The following TTLL12 variants were observed in gnomAD, a reference collection of about 807,000 sequenced individuals.
The protein encoded by TTLL12 is tubulin tyrosine ligase like 12.
A neutral mutation model predicts 79.6 loss-of-function variants in TTLL12; 77 were observed. That is an observed-to-expected ratio of 0.97 (90% CI 0.81 to 1.17). TTLL12 has a LOEUF of 1.17. Among genes scored for constraint, TTLL12 ranks in the 50% most tolerant of loss-of-function variants. The pLI is 0.00. For synonymous variants in TTLL12, 437 were observed against 376.1 expected (o/e 1.16, Z -1.87); for missense variants, 969 against 895.9 (o/e 1.08, Z -1.04).
chr22:43,175,228 T>G (rs1931874145), intron 6 of TTLL12: 1 of 152,388 alleles, frequency 6.6e-6, no homozygotes, highest in South Asian at 2.1e-4. Flanking sequence ...GGGGCTCCTG[T>G]GAAGGCTGAG....
At chr22:43,175,379 G>A (rs1022348894) in intron 6 of TTLL12, 8 of 152,324 alleles carry the variant, frequency 5.3e-5, no homozygotes, top group African/African-American at 1.9e-4. Context: ...GGCAGCCCGG[G>A]TGCCTGTTGT....
At chr22:43,171,237 G>A (rs547128751) in intron 11 of TTLL12, among the ~76,000 whole-genome samples, 71 of 152,298 alleles carry the variant, frequency 4.7e-4, no homozygotes, top group African/African-American at 1.5e-3. Flanking sequence ...ACCTGTCCAC[G>A]TACACTGGCT....
chr22:43,178,440 G>A (rs955941049), intron 5 of TTLL12, among the ~76,000 whole-genome samples: 8 of 151,790 alleles, frequency 5.3e-5, no homozygotes, highest in Non-Finnish European at 1.0e-4. Context: ...TCCTGCCTCA[G>A]CCTCCCGAGT....
chr22:43,166,875 G>T lies in TTLL12; in HGVS notation c.*1133C>A, dbSNP rs1601764008. ...TTCTTAATTTCAAAGAGGAGACACC[G>T]CTACACCTAGCCCTGCCCTCCCATG... On this transcript the variant is annotated 3_prime_UTR_variant, in exon 14 of 14. Transcript: ENST00000216129. 5.0e-6 allele frequency: 1 copy of T among 200,686 alleles called. No homozygotes were observed. Among genetic ancestry groups the T allele is most frequent in the Non-Finnish European group, 9.3e-6 (1 of 107,434 alleles). 12.4% of individuals were successfully genotyped at this position (200,686 alleles called of 1,614,324 possible). A position where few individuals can be genotyped will look rare whatever the true frequency, so the allele number is the denominator to read the frequency against.
chr22:43,176,078 C>G (rs1931900209), intron 6 of TTLL12, among the ~76,000 whole-genome samples: 1 of 149,904 alleles, frequency 6.7e-6, no homozygotes, highest in Admixed American at 6.6e-5. Flanking sequence ...GAGACAGACT[C>G]TGTCTCAAAA....
chr22:43,183,402 G>A (rs1932107969), intron 1 of TTLL12, among the ~76,000 whole-genome samples: 3 of 152,224 alleles, frequency 2.0e-5, no homozygotes, highest in African/African-American at 4.8e-5. Flanking sequence ...CCAGAGCCTC[G>A]TCCCACAGGA....
At chr22:43,178,376 C>T (rs1931968390) in intron 5 of TTLL12, among the ~76,000 whole-genome samples, 2 of 150,666 alleles carry the variant, frequency 1.3e-5, no homozygotes, top group African/African-American at 4.9e-5. Flanking sequence ...GGCTGGAGTG[C>T]AGTGGCGCGA....
At chr22:43,178,124 C>A (rs1327344916) in intron 5 of TTLL12, among the ~76,000 whole-genome samples, 1 of 152,158 alleles carries the variant, frequency 6.6e-6, no homozygotes, top group Non-Finnish European at 1.5e-5. Flanking sequence ...GTGTACTAAG[C>A]ACCTTCCTGG....
At position 43,169,489 on chromosome 22, in the gene TTLL12, A is replaced by C. The variant is rs1416092502; in HGVS notation, c.1644+11T>G. 1 of 1,586,078 alleles carries C rather than the reference A, an allele frequency of 6.3e-7. No homozygotes were observed. The highest frequency in any genetic ancestry group is 1.2e-5 in the South Asian group (1 of 86,870). Reference sequence around the variant, plus strand: ...CCACCGGCCTGCGATGGTGTGCAGGACAGGAATTACCTGGACGTCCGTCCA... The same window carrying C: ...CCACCGGCCTGCGATGGTGTGCAGGCCAGGAATTACCTGGACGTCCGTCCA... On this transcript the variant is annotated intron_variant, in intron 12 of 13. Transcript: ENST00000216129.
intron 11 of TTLL12, among the ~76,000 whole-genome samples, chr22:43,171,114 T>C (rs1601767355): frequency 6.6e-6 from 1 of 151,894 alleles, no homozygotes. Context: ...GGGGTAGGTG[T>C]TCTGTGCATC....
chr22:43,179,319 C>T (rs13054587), intron 5 of TTLL12, among the ~76,000 whole-genome samples: 13,081 of 152,140 alleles, frequency 0.086, 631 homozygotes, highest in Non-Finnish European at 0.11. Context: ...CTGAGTGGGG[C>T]TCATGGCCAA....
Position 43,174,354 on chromosome 22 carries a change from C to G in TTLL12, c.1084G>C (p.Glu362Gln), listed in dbSNP as rs577280161. Residue 362 changes from glutamate to glutamine, a missense_variant, in exon 8 of 14, where the codon GAG (glutamate) becomes CAG (glutamine). Coordinates refer to ENST00000216129, the MANE Select transcript of TTLL12 (RefSeq NM_015140.4). ...CAGTCCTTGACAGTCAGCAGGTTCT[C>G]GCAGGGGAACTGGTTCAGCAGCACG... ...PGVLLNQFPC[E>Q]NLLTVKDCLA... 6.3e-7 allele frequency: 1 copy of G among 1,592,754 alleles called. No homozygotes were observed. The highest frequency in any genetic ancestry group is 1.3e-5 in the African/African-American group (1 of 74,564).
rs776237076 is a variant in TTLL12, at chr22:43,172,423, G to A, written c.1473C>T (p.Phe491=). 1 of 1,614,168 alleles carries A rather than the reference G, an allele frequency of 6.2e-7. No homozygotes were observed. Among genetic ancestry groups the A allele is most frequent in the South Asian group, 1.1e-5 (1 of 91,088 alleles). Residue 491 remains phenylalanine, a synonymous_variant, in exon 10 of 14, where the codon TTC becomes TTT. Transcript: ENST00000216129. ...CTTACCGGTTGGAGAACCGCAGCCA[G>A]AACACATCATACACGAACAACCGTA... ...RPLRLFVYDV[F]WLRFSNRAFA... is the part of the protein sequence containing the mutation.
Position 43,168,757 on chromosome 22 carries a change from T to C in TTLL12, c.1783+17A>G, listed in dbSNP as rs750427562. ...GCGCCTGCTGGTTTGGATCAGGAGA[T>C]GGGGAGCCCCTCTTACCATCTGGGC... On this transcript the variant is annotated intron_variant, in intron 13 of 13. Coordinates refer to ENST00000216129, the MANE Select transcript of TTLL12 (RefSeq NM_015140.4). The C allele has an allele frequency of 3.9e-6, 6 of 1,550,602 alleles. No individual in the cohort carries two copies. In the South Asian group the frequency reaches 7.1e-5, roughly 18 times the overall value.
At chr22:43,180,103 A>T (rs1932017616) in intron 3 of TTLL12, 103 bp from the exon 4 acceptor site, 2 of 1,370,092 alleles carry the variant, frequency 1.5e-6, no homozygotes, top group Non-Finnish European at 2.0e-6. Context: ...CATTTCTCTG[A>T]TCTTGGAGGC....
At chr22:43,169,395 T>A in intron 12 of TTLL12, 105 bp downstream of exon 12, 1 of 1,010,716 alleles carries the variant, frequency 9.9e-7, no homozygotes, top group East Asian at 2.6e-5. Context: ...GGGACAAAGG[T>A]CCCTCCCAGC....
intron 9 of TTLL12, 66 bp downstream of exon 9, chr22:43,173,649 T>C: frequency 6.7e-7 from 1 of 1,500,916 alleles, no homozygotes; most frequent in Non-Finnish European, 9.1e-7. Context: ...CTCGGTCCCC[T>C]TAGCCCCACC....
In TTLL12 at chr22:43,174,324, C is replaced by CCAGGCAGTCCTT; in HGVS notation, c.1102_1113dup (p.Lys368_Leu371dup). The CCAGGCAGTCCTT allele has an allele frequency of 6.2e-7, 1 of 1,609,464 alleles. No homozygotes were observed. The highest frequency in any genetic ancestry group is 8.5e-7 in the Non-Finnish European group (1 of 1,178,162). On this transcript the variant is annotated inframe_insertion, in exon 8 of 14. Coordinates refer to ENST00000216129, the MANE Select transcript of TTLL12 (RefSeq NM_015140.4). ...CCACCTGCCCGGCGCGCGATGGAGG[C>CCAGGCAGTCCTT]CAGGCAGTCCTTGACAGTCAGCAGG... is the stretch of plus-strand genomic sequence containing the variant.
chr22:43,182,007 G>GGAAGCAGAAAGGCCCA (rs1932069874), intron 2 of TTLL12, among the ~76,000 whole-genome samples: 1 of 106,240 alleles, frequency 9.4e-6, no homozygotes, highest in Non-Finnish European at 1.7e-5. Flanking sequence ...ATGAAGGCCC[G>GGAAGCAGAAAGGCCCA]GAAGCAGAAA....
Sources: allele counts gnomAD v4.1 joint callset (sites outside exome capture counted in the v4.1 genomes callset), GRCh38; gene constraint gnomAD v4.1.1; transcripts MANE v1.5; gene names NCBI Gene and HGNC (gene_info 2026-07-23, HGNC 2026-07-21).